Variants in SLC10A7 observed in about 807,000 individuals in gnomAD.
SLC10A7 encodes the protein solute carrier family 10 member 7, also known as sodium/bile acid cotransporter 7.
A neutral mutation model predicts 43.2 loss-of-function variants in SLC10A7; 29 were observed. That is an observed-to-expected ratio of 0.67 (90% CI 0.50 to 0.92). SLC10A7 has a LOEUF of 0.92. Among genes scored for constraint, SLC10A7 ranks in the 40% least tolerant of loss-of-function variants. SLC10A7 has a pLI of 0.00. For missense variants in SLC10A7, 295 were observed against 403.2 expected, an observed-to-expected ratio of 0.73 and a Z score of 2.30; for synonymous variants, 152 against 144.8, an observed-to-expected ratio of 1.05 and a Z score of -0.35.
intron 5 of SLC10A7, among the ~76,000 whole-genome samples, chr4:146,404,529 T>C (rs1739448146): frequency 6.6e-6 from 1 of 151,224 alleles, no homozygotes; most frequent in African/African-American, 2.4e-5. Context: ...TGGTTTAAGA[T>C]CTTTGTTCAT....
chr4:146,270,664 G>A (rs1728835775), intron 10 of SLC10A7, among the ~76,000 whole-genome samples: 1 of 152,188 alleles, frequency 6.6e-6, no homozygotes, highest in South Asian at 2.1e-4. Context: ...TGGTATTGCG[G>A]TGGAGTCAGA....
chr4:146,269,055 G>C (rs1728739390), intron 10 of SLC10A7, among the ~76,000 whole-genome samples: 1 of 152,184 alleles, frequency 6.6e-6, no homozygotes, highest in Admixed American at 6.5e-5. Flanking sequence ...ATTAAAAATT[G>C]TGTTTTAGTC....
intron 4 of SLC10A7, among the ~76,000 whole-genome samples, chr4:146,479,523 A>G (rs915157002): frequency 6.6e-6 from 1 of 152,186 alleles, no homozygotes; most frequent in African/African-American, 2.4e-5. Flanking sequence ...TTATAATGGG[A>G]CAATATTGTA....
intron 2 of SLC10A7, among the ~76,000 whole-genome samples, chr4:146,513,064 A>C (rs1197110037): frequency 6.6e-6 from 1 of 152,124 alleles, no homozygotes; most frequent in African/African-American, 2.4e-5. Context: ...TTCACATGGA[A>C]TATCTCTGGA....
chr4:146,425,506 T>C (rs1442085141), intron 5 of SLC10A7, among the ~76,000 whole-genome samples: 1 of 152,182 alleles, frequency 6.6e-6, no homozygotes, highest in African/African-American at 2.4e-5. Flanking sequence ...GAATTTTAAA[T>C]AGCCACATGT....
intron 9 of SLC10A7, among the ~76,000 whole-genome samples, chr4:146,287,935 G>A (rs1730141253): frequency 1.3e-5 from 2 of 152,348 alleles, no homozygotes; most frequent in South Asian, 2.1e-4. Context: ...TCTGGTCAAG[G>A]AGGCTCTGAA....
chr4:146,485,365 C>A (rs2149994177), intron 4 of SLC10A7, among the ~76,000 whole-genome samples: 1 of 152,226 alleles, frequency 6.6e-6, no homozygotes, highest in East Asian at 1.9e-4. Flanking sequence ...GGCCACCTAG[C>A]AGAGAGTCCT....
At chr4:146,370,442 A>G (rs961779267) in intron 5 of SLC10A7, among the ~76,000 whole-genome samples, 13 of 152,098 alleles carry the variant, frequency 8.5e-5, no homozygotes, top group Admixed American at 8.5e-4. Context: ...CGGTCTGCCT[A>G]TTCATATCAT....
intron 5 of SLC10A7, among the ~76,000 whole-genome samples, chr4:146,399,227 G>C (rs945078146): frequency 6.6e-6 from 1 of 152,126 alleles, no homozygotes; most frequent in Non-Finnish European, 1.5e-5. Context: ...CTTGAGGGGA[G>C]AAAGTCTTTG....
chr4:146,513,663 C>T (rs1737682700), intron 2 of SLC10A7, among the ~76,000 whole-genome samples: 1 of 152,136 alleles, frequency 6.6e-6, no homozygotes. Context: ...TCATAAGGGG[C>T]CTCTTAACAA....
Position 146,395,714 on chromosome 4 carries a change from G to GTATA in SLC10A7, c.435+47065_435+47068dup, listed in dbSNP as rs142328015. Among the ~76,000 whole-genome samples, 319 of 150,566 alleles carry GTATA rather than the reference G, an allele frequency of 2.1e-3. 1 individual carries two copies. The highest frequency in any genetic ancestry group is 7.5e-3 in the African/African-American group (307 of 41,104). ...ATAACGTCAATGAAAACCAAAACGA[G>GTATA]TATATATATATATATTACACAATTA... On this transcript the variant is annotated intron_variant, in intron 5 of 11. Transcript: ENST00000335472.
chr4:146,330,849 G>T (rs1733482916), intron 5 of SLC10A7, among the ~76,000 whole-genome samples: 1 of 152,016 alleles, frequency 6.6e-6, no homozygotes, highest in South Asian at 2.1e-4. Context: ...CAGTGGTCTG[G>T]CTGAAGCTTT....
chr4:146,499,271 C>A (rs1736189819), intron 4 of SLC10A7, among the ~76,000 whole-genome samples: 1 of 152,106 alleles, frequency 6.6e-6, no homozygotes, highest in East Asian at 1.9e-4. Context: ...AATTCTATTG[C>A]TATGTTAAAA....
chr4:146,493,350 T>C (rs1735617862), intron 4 of SLC10A7, among the ~76,000 whole-genome samples: 1 of 152,226 alleles, frequency 6.6e-6, no homozygotes, highest in Non-Finnish European at 1.5e-5. Context: ...CTAGTCATCA[T>C]ACATGCAGAT....
At chr4:146,434,565 T>C (rs1730055029) in intron 5 of SLC10A7, among the ~76,000 whole-genome samples, 1 of 151,990 alleles carries the variant, frequency 6.6e-6, no homozygotes, top group African/African-American at 2.4e-5. Context: ...GTTGTTTTTA[T>C]TTTTTGTTTT....
intron 7 of SLC10A7, among the ~76,000 whole-genome samples, chr4:146,296,223 C>T (rs939999797): frequency 1.3e-5 from 2 of 152,130 alleles, no homozygotes; most frequent in African/African-American, 4.8e-5. Flanking sequence ...TACAACTATT[C>T]ACACATGTAT....
intron 5 of SLC10A7, among the ~76,000 whole-genome samples, chr4:146,335,987 C>T (rs895309288): frequency 5.9e-5 from 9 of 152,166 alleles, no homozygotes; most frequent in Admixed American, 2.0e-4. Flanking sequence ...TCAGACTCCG[C>T]CCCAGAACTA....
At chr4:146,336,774 C>T (rs1468491815) in intron 5 of SLC10A7, among the ~76,000 whole-genome samples, 1 of 152,026 alleles carries the variant, frequency 6.6e-6, no homozygotes, top group East Asian at 1.9e-4. Flanking sequence ...TGCTGAATAG[C>T]AGACAGAATG....
In SLC10A7 at chr4:146,434,200, A is replaced by T. The variant is rs528967922; in HGVS notation, c.435+8583T>A. On this transcript the variant is annotated intron_variant, in intron 5 of 11. Transcript: ENST00000335472. ...AACGTAATATCAGTTTTTTAACTAC[A>T]TCTACGTAACACACAGGACATAGAC... is the stretch of plus-strand genomic sequence containing the variant. Among the ~76,000 whole-genome samples the T allele has an allele frequency of 5.3e-5, 8 of 152,340 alleles. No individual in the cohort carries two copies. In the South Asian group the frequency reaches 1.4e-3, roughly 28 times the overall value.
Sources: allele counts gnomAD v4.1 joint callset (sites outside exome capture counted in the v4.1 genomes callset), GRCh38; gene constraint gnomAD v4.1.1; transcripts MANE v1.5; gene names NCBI Gene and HGNC (gene_info 2026-07-23, HGNC 2026-07-21).